Variants in TEKT1 observed in about 807,000 individuals in gnomAD.
TEKT1 encodes tektin 1.
TEKT1 carries 32 observed loss-of-function variants against 34.8 expected under a neutral mutation model. The ratio of observed to expected loss-of-function variants is 0.92; its 90% CI spans 0.69 to 1.23. The LOEUF (loss-of-function observed/expected upper bound fraction) is 1.23. Ranked by LOEUF, TEKT1 falls within the 50% of genes most tolerant of loss-of-function variation. The probability of loss-of-function intolerance (pLI) is 0.00; values close to 1 mark genes in which losing one functional copy is unlikely to be tolerated. For synonymous variants in TEKT1, 207 were observed against 199.8 expected (o/e 1.04, Z -0.30); for missense variants, 492 against 518.5 (o/e 0.95, Z 0.50).
rs1244030663 is a variant in TEKT1 at position 6,800,008 on chromosome 17, A to T, written c.*19T>A. ...CTGTTTACAATGTGGTTTAATGAGA[A>T]TTGGAACTAGCCCTACTATTAGCAG... On this transcript the variant is annotated 3_prime_UTR_variant, in exon 8 of 8. Coordinates refer to ENST00000338694, the MANE Select transcript of TEKT1 (RefSeq NM_053285.2). The T allele has an allele frequency of 1.3e-6, 2 of 1,595,830 alleles. No homozygotes were observed. The highest frequency in any genetic ancestry group is 1.7e-6 in the Non-Finnish European group (2 of 1,176,824).
intron 6 of TEKT1, among the ~76,000 whole-genome samples, chr17:6,807,924 C>G (rs1047634276): frequency 4.6e-5 from 7 of 152,218 alleles, no homozygotes; most frequent in Non-Finnish European, 8.8e-5. Flanking sequence ...CAGGGACCCA[C>G]TTGAGGAGGC....
chr17:6,800,246 G>C lies in TEKT1; in HGVS notation c.1050-12C>G, dbSNP rs769177223. 6 of 1,610,294 alleles carry C rather than the reference G, an allele frequency of 3.7e-6. No individual in the cohort carries two copies. The Admixed American group carries it at 1.0e-4, about 27-fold the overall frequency. ...AAGTTTCCTTCAATCTAGGAGAAAG[G>C]GAAGAAGAGAAGAGAATAATTTCTC... On this transcript the variant is annotated splice_polypyrimidine_tract_variant and intron_variant, in intron 7 of 7. Transcript: ENST00000338694.
At chr17:6,812,729 C>T in intron 6 of TEKT1, 102 bp downstream of exon 6, 1 of 1,161,386 alleles carries the variant, frequency 8.6e-7, no homozygotes, top group Non-Finnish European at 1.2e-6. Context: ...CCCAATATCC[C>T]AAGCCCAGAA....
At chr17:6,824,072 T>C (rs1237655611) in intron 2 of TEKT1, among the ~76,000 whole-genome samples, 1 of 152,204 alleles carries the variant, frequency 6.6e-6, no homozygotes, top group South Asian at 2.1e-4. Context: ...TCTGCCCACA[T>C]CGGCCTCCCA....
intron 6 of TEKT1, among the ~76,000 whole-genome samples, chr17:6,805,440 G>T (rs558528176): frequency 1.9e-3 from 283 of 151,868 alleles, no homozygotes; most frequent in Non-Finnish European, 3.1e-3. Flanking sequence ...GATTTTTTTT[G>T]AAGGGTTTTT....
chr17:6,811,147 G>A lies in TEKT1; in HGVS notation c.852+1684C>T, dbSNP rs1273066559. Among the ~76,000 whole-genome samples, 2 of 151,912 alleles carry A rather than the reference G, an allele frequency of 1.3e-5. No homozygotes were observed. The highest frequency in any genetic ancestry group is 2.4e-5 in the African/African-American group (1 of 41,344). On this transcript the variant is annotated intron_variant, in intron 6 of 7. Coordinates refer to ENST00000338694, the MANE Select transcript of TEKT1 (RefSeq NM_053285.2). The surrounding 1 kb of genome is among the most constrained non-coding windows in gnomAD (Gnocchi z 4.4). ...TCAGTGCTCTCCCATCCTCCCTTCT[G>A]TCCTATCTCAGATCCATCTTTCAAG...
rs547534442 is a variant in TEKT1 at position 6,806,569 on chromosome 17, T to C, written c.853-5626A>G. Among the ~76,000 whole-genome samples, 26 of 152,362 alleles carry C rather than the reference T, an allele frequency of 1.7e-4. No individual in the cohort carries two copies. The East Asian group carries it at 4.4e-3, about 26-fold the overall frequency. The stretch of plus-strand genomic sequence containing the variant: ...TGCAGTTTCTTCCTAGCGTCGATGG[T>C]CTTTACAATTTGGCATGTTTTTGCA... On this transcript the variant is annotated intron_variant, in intron 6 of 7. Coordinates refer to ENST00000338694, the MANE Select transcript of TEKT1 (RefSeq NM_053285.2).
intron 4 of TEKT1, 50 bp from the exon 5 acceptor site, chr17:6,815,356 C>T (rs1403745902): frequency 1.2e-6 from 2 of 1,612,380 alleles, no homozygotes; most frequent in Admixed American, 1.7e-5. Context: ...GCCCAGGTGG[C>T]ACCCACGTCC....
rs1976778801 is a variant in TEKT1 at position 6,801,903 on chromosome 17, G to A, written c.853-960C>T. On this transcript the variant is annotated intron_variant, in intron 6 of 7. Coordinates refer to ENST00000338694, the MANE Select transcript of TEKT1 (RefSeq NM_053285.2). Reference sequence around the variant, plus strand: ...TCATCAGCAGTTTCAGCAATGAGCAGTATGTGGCCAGTCTTGCTTCATCTA... The same window carrying A: ...TCATCAGCAGTTTCAGCAATGAGCAATATGTGGCCAGTCTTGCTTCATCTA... 2.0e-5 allele frequency among the ~76,000 whole-genome samples: 3 copies of A among 152,156 alleles called. No homozygotes were observed. In the South Asian group the frequency reaches 6.2e-4, roughly 32 times the overall value.
chr17:6,822,978 C>T (rs1239531234), intron 2 of TEKT1, among the ~76,000 whole-genome samples: 3 of 152,200 alleles, frequency 2.0e-5, no homozygotes, highest in African/African-American at 4.8e-5. Flanking sequence ...TCTTTCCTTT[C>T]GGGGCCAGTT....
intron 3 of TEKT1, among the ~76,000 whole-genome samples, chr17:6,817,673 A>G (rs1417915700): frequency 6.6e-6 from 1 of 152,144 alleles, no homozygotes; most frequent in Non-Finnish European, 1.5e-5. Context: ...TTCAACCTGC[A>G]TGATAGTGCT....
rs138132852 is a variant in TEKT1 at position 6,830,154 on chromosome 17, A to G, written c.190+33T>C. On this transcript the variant is annotated intron_variant, in intron 2 of 7. Coordinates refer to ENST00000338694, the MANE Select transcript of TEKT1 (RefSeq NM_053285.2). Reference sequence around the variant, plus strand: ...CTAAACTCAACAGCCTCATCCTAGCATGTTCACGAATATGCCAAGCATGTT... The same window carrying G: ...CTAAACTCAACAGCCTCATCCTAGCGTGTTCACGAATATGCCAAGCATGTT... 2,671 of 1,588,282 alleles carry G rather than the reference A, an allele frequency of 1.7e-3. 31 individuals carry two copies. In the African/African-American group the frequency reaches 0.027, roughly 16 times the overall value.
intron 6 of TEKT1, 121 bp from the exon 7 acceptor site, chr17:6,801,064 A>G (rs1376069628): frequency 2.2e-6 from 2 of 927,666 alleles, no homozygotes; most frequent in Non-Finnish European, 3.2e-6. Context: ...CTTCTTAAGC[A>G]GCATGCCAGA....
chr17:6,800,705 A>G (rs1976757792), intron 7 of TEKT1, 42 bp downstream of exon 7: 1 of 1,576,728 alleles, frequency 6.3e-7, no homozygotes, highest in Admixed American at 1.7e-5. Context: ...CCAGGTTGGG[A>G]TTGAGACCCG....
chr17:6,819,117 G>A (rs1056917946), intron 3 of TEKT1, 76 bp downstream of exon 3: 10 of 1,524,660 alleles, frequency 6.6e-6, no homozygotes, highest in East Asian at 4.5e-5. Flanking sequence ...ACTCACCATC[G>A]CACACAGCCG....
chr17:6,800,675 A>G, intron 7 of TEKT1, 72 bp downstream of exon 7: 1 of 1,526,766 alleles, frequency 6.5e-7, no homozygotes, highest in South Asian at 1.3e-5. Flanking sequence ...GCTGGTCACT[A>G]TCTAGCCTCT....
chr17:6,810,194 T>G (rs1432738899), intron 6 of TEKT1, among the ~76,000 whole-genome samples: 1 of 152,206 alleles, frequency 6.6e-6, no homozygotes, highest in Non-Finnish European at 1.5e-5. Context: ...GAGGTGTTGT[T>G]GTTTTAATTT....
chr17:6,829,025 C>T (rs919975549), intron 2 of TEKT1, among the ~76,000 whole-genome samples: 2 of 152,012 alleles, frequency 1.3e-5, no homozygotes, highest in Non-Finnish European at 2.9e-5. Context: ...ATGGTGCACG[C>T]CTGTAATCCC....
chr17:6,812,738 A>G, intron 6 of TEKT1, 93 bp downstream of exon 6: 1 of 1,229,906 alleles, frequency 8.1e-7, no homozygotes, highest in Non-Finnish European at 1.2e-6. Context: ...CCAAGCCCAG[A>G]AGTCTAGCGG....
Sources: gnomAD v4.1 joint callset for allele counts (sites outside exome capture counted in the v4.1 genomes callset) on GRCh38, gnomAD v4.1.1 for gene constraint, Gnocchi (gnomAD v3.1) non-coding constraint, MANE v1.5 for transcripts, NCBI Gene and HGNC (gene_info 2026-07-23, HGNC 2026-07-21) for gene names.